STARD8: variants seen among roughly 807,000 people sequenced by gnomAD.
STARD8 encodes StAR related lipid transfer domain containing 8, also known as stAR-related lipid transfer protein 8.
A neutral mutation model predicts 69.4 loss-of-function variants in STARD8; 25 were observed. The ratio of observed to expected loss-of-function variants is 0.36; its 90% CI spans 0.26 to 0.50. The LOEUF is 0.50. Ranked by LOEUF, STARD8 falls within the 20% of genes least tolerant of loss-of-function variation. The pLI is 0.96. For missense variants in STARD8, 921 were observed against 932.5 expected (o/e 0.99, Z 0.16); for synonymous variants, 389 against 374.6 (o/e 1.04, Z -0.45).
intron 1 of STARD8, among the ~76,000 whole-genome samples, chrX:68,659,866 G>C (rs992670337): frequency 9.0e-6 from 1 of 111,674 alleles, no homozygotes; most frequent in Non-Finnish European, 1.9e-5. Flanking sequence ...CAGGAGGAAA[G>C]GATGTCCTGG....
At chrX:68,672,312 AT>A (rs2079733434) in intron 2 of STARD8, among the ~76,000 whole-genome samples, 1 of 111,786 alleles carries the variant, frequency 8.9e-6, no homozygotes, top group Non-Finnish European at 1.9e-5. Context: ...ATACAGTCCA[AT>A]GTTCTCGTTG....
chrX:68,688,688 G>A (rs1351734524), intron 2 of STARD8, among the ~76,000 whole-genome samples: 1 of 112,022 alleles, frequency 8.9e-6, no homozygotes, highest in Non-Finnish European at 1.9e-5. Flanking sequence ...TGGGAGCAAC[G>A]CTGGGGGCAA....
intron 2 of STARD8, among the ~76,000 whole-genome samples, chrX:68,665,787 C>T (rs775817798): frequency 1.8e-5 from 2 of 112,223 alleles, no homozygotes; most frequent in African/African-American, 6.5e-5. Context: ...GGAGGACTTC[C>T]CTCCAGAGCT....
Position 68,717,860 on chromosome X carries a change from A to G in STARD8, c.946A>G (p.Ile316Val). The change falls in exon 6 of 15, where the codon ATT becomes GTT. Residue 316 changes from isoleucine to valine, a missense_variant. By Grantham distance (29) the Ile-to-Val change is conservative. Transcript: ENST00000374599. ...AGGCACATTCCCTCGCTCCCTGTCC[A>G]TTGAGAGCCTGTGTCCTGAGGATGG... ...KPGTFPRSLS[I>V]ESLCPEDGHR... 1 of 1,210,213 alleles carries G rather than the reference A, an allele frequency of 8.3e-7. No homozygotes were observed. Among genetic ancestry groups the G allele is most frequent in the South Asian group, 1.8e-5 (1 of 56,672 alleles).
chrX:68,713,017 C>T (rs2080063680), intron 3 of STARD8, 32 bp downstream of exon 3: 7 of 1,161,917 alleles, frequency 6.0e-6, no homozygotes, highest in Non-Finnish European at 8.2e-6. Flanking sequence ...CCCTCCCATA[C>T]TTCCCCTAGC....
chrX:68,684,820 A>G (rs1434543987), intron 2 of STARD8, among the ~76,000 whole-genome samples: 1 of 112,879 alleles, frequency 8.9e-6, no homozygotes, highest in Admixed American at 9.3e-5. Flanking sequence ...AAGGAGGAGC[A>G]GAGTCAGATC....
intron 2 of STARD8, among the ~76,000 whole-genome samples, chrX:68,674,806 G>A (rs1569357252): frequency 1.8e-5 from 2 of 108,685 alleles, no homozygotes; most frequent in African/African-American, 6.7e-5. Flanking sequence ...GTTTTGAGAT[G>A]GAGTCTTGCT....
chrX:68,711,947 T>C (rs2080054260), intron 2 of STARD8, among the ~76,000 whole-genome samples: 1 of 113,038 alleles, frequency 8.8e-6, no homozygotes. Flanking sequence ...CCCATTCATC[T>C]TGGCATCACC....
rs555255549 is a variant in STARD8 at position 68,720,168 on chromosome X, C to T, written c.1890-96C>T. 24 of 996,092 alleles carry T rather than the reference C, an allele frequency of 2.4e-5. 1 individual carries two copies. In the Admixed American group the frequency reaches 9.1e-4, roughly 38 times the overall value. 82.1% of individuals were successfully genotyped at this position (996,092 alleles called of 1,213,427 possible). On this transcript the variant is annotated intron_variant, in intron 7 of 14. Coordinates refer to ENST00000374599, the MANE Select transcript of STARD8 (RefSeq NM_001142503.3). ...GTTGACTCTGGGGCAGTGGTGTGTG[C>T]CTTACCCCCCTCACCCCACCTGATC...
In STARD8 at chrX:68,717,942, G is replaced by A. The variant is rs1041667743; in HGVS notation, c.1028G>A (p.Gly343Asp). 2.5e-6 allele frequency: 3 copies of A among 1,209,235 alleles called. No homozygotes were observed. Among genetic ancestry groups the A allele is most frequent in the Non-Finnish European group, 2.2e-6 (2 of 894,309 alleles). ...GRRWGCEGRR[G>D]SCGSTGSHAS... ...CGGTGGGGCTGTGAGGGGCGCCGGGGCTCCTGTGGCTCAACGGGCAGCCAT... is the reference window on the plus strand; with the variant it reads ...CGGTGGGGCTGTGAGGGGCGCCGGGACTCCTGTGGCTCAACGGGCAGCCAT... Residue 343 changes from glycine (G) to aspartate (D), a missense_variant, in exon 6 of 15, where the codon GGC (glycine) becomes GAC (aspartate). Physicochemically the swap from Gly to Asp is moderately conservative, Grantham distance 94. Transcript: ENST00000374599.
At chrX:68,675,294 A>AT (rs2079758774) in intron 2 of STARD8, among the ~76,000 whole-genome samples, 1 of 110,416 alleles carries the variant, frequency 9.1e-6, no homozygotes, top group Admixed American at 9.6e-5. Context: ...GCGTTTTGCC[A>AT]TGTTGGCCAG....
intron 2 of STARD8, among the ~76,000 whole-genome samples, chrX:68,685,358 G>A (rs1169447405): frequency 8.9e-6 from 1 of 111,951 alleles, no homozygotes; most frequent in Non-Finnish European, 1.9e-5. Flanking sequence ...GCCACCAACA[G>A]AAGTAGAATG....
chrX:68,704,465 T>C (rs1388607306), intron 2 of STARD8, among the ~76,000 whole-genome samples: 1 of 110,895 alleles, frequency 9.0e-6, no homozygotes, highest in Non-Finnish European at 1.9e-5. Flanking sequence ...GCTGGCAGGA[T>C]GGCCCCTTGA....
At chrX:68,655,385 G>A (rs929997555) in intron 1 of STARD8, among the ~76,000 whole-genome samples, 3 of 112,114 alleles carry the variant, frequency 2.7e-5, no homozygotes, top group Non-Finnish European at 5.6e-5. Flanking sequence ...AGGGGGAAAG[G>A]CAAGGGCCTA....
intron 2 of STARD8, among the ~76,000 whole-genome samples, chrX:68,691,133 A>G (rs771578353): frequency 8.9e-6 from 1 of 111,896 alleles, no homozygotes; most frequent in African/African-American, 3.2e-5. Context: ...ACGCACACAC[A>G]CACACGCACA....
chrX:68,686,927 C>T (rs2079837370), intron 2 of STARD8, among the ~76,000 whole-genome samples: 1 of 110,893 alleles, frequency 9.0e-6, no homozygotes, highest in South Asian at 3.8e-4. Flanking sequence ...GTTCAGTAAA[C>T]AGTATGTCCC....
In STARD8 at chrX:68,659,837, G is replaced by A. The variant is rs762710576; in HGVS notation, c.46-5662G>A. Among the ~76,000 whole-genome samples the A allele has an allele frequency of 1.8e-3, 206 of 111,677 alleles. 2 individuals carry two copies. Among genetic ancestry groups the A allele is most frequent in the African/African-American group, 6.5e-3 (200 of 30,767 alleles). ...GGCCTGGAGCAGCCCTGCAGGCCAG[G>A]TGAGGAGTCAGGATGGGGCAGGAGG... On this transcript the variant is annotated intron_variant, in intron 1 of 14. Transcript: ENST00000374599.
intron 1 of STARD8, among the ~76,000 whole-genome samples, chrX:68,661,968 CTCTCTTTCTTTCTTTCTT>C (rs1263394397): frequency 4.2e-4 from 31 of 74,495 alleles, no homozygotes; most frequent in African/African-American, 1.9e-3. Flanking sequence ...CTCTCTCTCT[CTCTCTTTCTTTCTTTCTT>C]TCTTTCTTTC....
At position 68,720,233 on chromosome X, in the gene STARD8, CT is replaced by C. The variant is rs776544119; in HGVS notation, c.1890-30del. The stretch of plus-strand genomic sequence containing the variant: ...GCAGAGTCTCCAAACTGTGTTCCCC[CT>C]ATCTGATCACTTGTCATTCTCCCAA... On this transcript the variant is annotated intron_variant, in intron 7 of 14. Transcript: ENST00000374599. 89 of 1,163,908 alleles carry C rather than the reference CT, an allele frequency of 7.6e-5. 2 individuals carry two copies. In the African/African-American group the frequency reaches 1.3e-3, roughly 17 times the overall value.
Sources: gnomAD v4.1 joint callset for allele counts (sites outside exome capture counted in the v4.1 genomes callset) on GRCh38, gnomAD v4.1.1 for gene constraint, MANE v1.5 for transcripts, NCBI Gene and HGNC (gene_info 2026-07-23, HGNC 2026-07-21) for gene names.